The following ADGRF1 variants were observed in gnomAD, a reference collection of about 807,000 sequenced individuals.
The protein encoded by ADGRF1 is adhesion G protein-coupled receptor F1.
ADGRF1 carries 85 observed loss-of-function variants against 87.2 expected under a neutral mutation model. That is an observed-to-expected ratio of 0.97 (90% CI 0.82 to 1.17). The LOEUF (loss-of-function observed/expected upper bound fraction) is 1.17, where lower values mean the gene tolerates loss of function less well. Among genes scored for constraint, ADGRF1 ranks in the 50% most tolerant of loss-of-function variants. The pLI, the probability that ADGRF1 is intolerant of heterozygous loss-of-function variation, is 0.00. For synonymous variants in ADGRF1, 430 were observed against 408.8 expected, an observed-to-expected ratio of 1.05 and a Z score of -0.63; for missense variants, 1,169 against 1,077.2, an observed-to-expected ratio of 1.09 and a Z score of -1.19.
intron 9 of ADGRF1, chr6:47,012,396 C>T: frequency 6.5e-6 from 6 of 924,078 alleles, no homozygotes; most frequent in Non-Finnish European, 8.5e-6. Context: ...ACCAGGGATT[C>T]ATTGAATTCT....
At chr6:47,039,749 G>A (rs928503640) in intron 1 of ADGRF1, among the ~76,000 whole-genome samples, 1 of 151,764 alleles carries the variant, frequency 6.6e-6, no homozygotes, top group Non-Finnish European at 1.5e-5. Context: ...ATTACTTGAG[G>A]TCAGGAGTTT....
At chr6:47,010,653 T>C (rs1347186999) in intron 10 of ADGRF1, among the ~76,000 whole-genome samples, 1 of 152,190 alleles carries the variant, frequency 6.6e-6, no homozygotes, top group East Asian at 1.9e-4. Context: ...ATGTTAAAAA[T>C]GACTACACTG....
rs1243998895 is a variant in ADGRF1 at position 46,999,837 on chromosome 6, G to A, written c.*385C>T. Reference sequence around the variant, plus strand: ...ACTTTTTGACAAGAAAATGAACGTGGCCTATTAATTTATCTAAAGCTATTT... The same window carrying A: ...ACTTTTTGACAAGAAAATGAACGTGACCTATTAATTTATCTAAAGCTATTT... On this transcript the variant is annotated 3_prime_UTR_variant, in exon 15 of 15. Transcript: ENST00000371253. 1 of 154,342 alleles carries A rather than the reference G, an allele frequency of 6.5e-6. No homozygotes were observed. The highest frequency in any genetic ancestry group is 1.4e-5 in the Non-Finnish European group (1 of 69,548). The allele number at this position is 154,342 out of a possible 1,614,324, so 9.6% of individuals were successfully genotyped here.
intron 11 of ADGRF1, among the ~76,000 whole-genome samples, chr6:47,008,035 C>G (rs765616993): frequency 1.3e-5 from 2 of 152,198 alleles, no homozygotes; most frequent in East Asian, 3.9e-4. Flanking sequence ...CTCATTTAAC[C>G]CTCACATTTA....
Position 47,025,826 on chromosome 6 carries a change from T to C in ADGRF1, c.277+28A>G, listed in dbSNP as rs111466522. The stretch of plus-strand genomic sequence containing the variant: ...CTGATATACCCGCCTTCCCCATTTA[T>C]ACATCCAGTCACCGAGAGCCACCTT... On this transcript the variant is annotated intron_variant, in intron 4 of 14. Coordinates refer to ENST00000371253, the MANE Select transcript of ADGRF1 (RefSeq NM_153840.4). The C allele has an allele frequency of 1.8e-3, 2,783 of 1,560,284 alleles. 47 individuals are homozygous for C. The South Asian group carries it at 0.022, about 12-fold the overall frequency.
chr6:47,040,725 A>G lies in ADGRF1; in HGVS notation c.-44+1466T>C, dbSNP rs1376736325. ...TCTTGCTCCTGCCAGTTTTTACTTT[A>G]CTTACTCTCAGCCAAAGCACTAAAA... is the stretch of plus-strand genomic sequence containing the variant. On this transcript the variant is annotated intron_variant, in intron 1 of 14. Transcript: ENST00000371253. 2.0e-5 allele frequency among the ~76,000 whole-genome samples: 3 copies of G among 152,288 alleles called. No individual in the cohort carries two copies. The East Asian group carries it at 5.8e-4, about 29-fold the overall frequency.
rs55932952 is a variant in ADGRF1 at position 47,030,326 on chromosome 6, C to T, written c.-43-1222G>A. The stretch of plus-strand genomic sequence containing the variant: ...CTTTTCCTTTCGGATGAATGGTCCT[C>T]TTATGCCCCACCTTCCTGTTTGCCA... On this transcript the variant is annotated intron_variant, in intron 1 of 14. Transcript: ENST00000371253. Among the ~76,000 whole-genome samples, 142 of 152,258 alleles carry T rather than the reference C, an allele frequency of 9.3e-4. 1 individual carries two copies. The Middle Eastern group carries it at 0.01, about 11-fold the overall frequency.
Position 47,009,007 on chromosome 6 carries a change from T to G in ADGRF1, c.2428A>C (p.Thr810Pro). The G allele has an allele frequency of 6.2e-7, 1 of 1,613,920 alleles. No individual in the cohort carries two copies. Among genetic ancestry groups the G allele is most frequent in the Non-Finnish European group, 8.5e-7 (1 of 1,179,902 alleles). ...GCCAGATTCTGGCTGTCCACTATTGTTCCTATTCCAAAGCCCCAGGTGAGC... is the reference window on the plus strand; with the variant it reads ...GCCAGATTCTGGCTGTCCACTATTGGTCCTATTCCAAAGCCCCAGGTGAGC... Reference protein sequence around the residue: ...LGLTWGFGIGTIVDSQNLAWH... With the variant: ...LGLTWGFGIGPIVDSQNLAWH... Residue 810 changes from threonine (T) to proline (P), a missense_variant, in exon 11 of 15, where the codon ACA becomes CCA. Transcript: ENST00000371253.
chr6:47,020,552 G>A lies in ADGRF1; in HGVS notation c.611+179C>T, dbSNP rs1470755543. ...CTAAACTCATTTAAGTGAGAATCTA[G>A]GCTTTACTCTTCAGACTTTTTAAAG... On this transcript the variant is annotated intron_variant, in intron 7 of 14. Coordinates refer to ENST00000371253, the MANE Select transcript of ADGRF1 (RefSeq NM_153840.4). 2.7e-6 allele frequency: 4 copies of A among 1,507,440 alleles called. No individual in the cohort carries two copies. The East Asian group carries it at 9.8e-5, about 37-fold the overall frequency. The allele number at this position is 1,507,440 out of a possible 1,614,324, so 93.4% of individuals were successfully genotyped here.
intron 10 of ADGRF1, 46 bp from the exon 11 acceptor site, chr6:47,010,364 A>G (rs1415819220): frequency 1.3e-6 from 2 of 1,487,274 alleles, no homozygotes; most frequent in Non-Finnish European, 1.8e-6. Flanking sequence ...GAGTAAACAG[A>G]TAAGAGGACC....
intron 8 of ADGRF1, among the ~76,000 whole-genome samples, chr6:47,016,206 A>C (rs1297033566): frequency 1.3e-5 from 2 of 151,404 alleles, no homozygotes; most frequent in Admixed American, 1.3e-4. Context: ...TATCTGAAGA[A>C]AAACAGTTTG....
chr6:47,025,630 G>A (rs752969327), intron 4 of ADGRF1, among the ~76,000 whole-genome samples: 1 of 152,116 alleles, frequency 6.6e-6, no homozygotes, highest in Non-Finnish European at 1.5e-5. Flanking sequence ...CTCAGCATGG[G>A]TACATATGAG....
At chr6:47,032,870 A>T (rs967284376) in intron 1 of ADGRF1, among the ~76,000 whole-genome samples, 1 of 152,222 alleles carries the variant, frequency 6.6e-6, no homozygotes, top group African/African-American at 2.4e-5. Context: ...GCTTTGAAGC[A>T]ATAAAGTACA....
chr6:47,029,358 GT>G lies in ADGRF1; in HGVS notation c.-43-255del, dbSNP rs552235976. 4.5e-3 allele frequency among the ~76,000 whole-genome samples: 663 copies of G among 145,870 alleles called. 8 individuals are homozygous for G. Among genetic ancestry groups the G allele is most frequent in the South Asian group, 0.026 (118 of 4,574 alleles). ...AGTGATGGTATCTGACTAAACACAG[GT>G]TTTTTTTTTTTAATCGTGACTTGCT... On this transcript the variant is annotated intron_variant, in intron 1 of 14. Coordinates refer to ENST00000371253, the MANE Select transcript of ADGRF1 (RefSeq NM_153840.4).
chr6:47,010,091 C>G lies in ADGRF1; in HGVS notation c.1344G>C (p.Gln448His), dbSNP rs149884602. Residue 448 changes from glutamine (Q) to histidine (H), a missense_variant, in exon 11 of 15, where the codon CAG (glutamine) becomes CAC (histidine). Transcript: ENST00000371253. Reference sequence around the variant, plus strand: ...ATGTATTTTGGGGACACATTTTAATCTGATAGCTGTAACCCCTTTTGAGTT... The same window carrying G: ...ATGTATTTTGGGGACACATTTTAATGTGATAGCTGTAACCCCTTTTGAGTT... The part of the protein sequence containing the change: ...KSQLKRGYSY[Q>H]IKMCPQNTSI... 5.3e-4 allele frequency: 861 copies of G among 1,614,158 alleles called. 3 individuals carry two copies. The African/African-American group carries it at 0.01, about 19-fold the overall frequency.
intron 1 of ADGRF1, among the ~76,000 whole-genome samples, chr6:47,038,424 ATTCT>A (rs1238158665): frequency 1.3e-5 from 2 of 152,228 alleles, no homozygotes; most frequent in African/African-American, 2.4e-5. Flanking sequence ...CACCTTGATA[ATTCT>A]TTATCAATTC....
intron 12 of ADGRF1, among the ~76,000 whole-genome samples, chr6:47,006,830 C>T (rs1582140027): frequency 1.3e-5 from 2 of 152,202 alleles, no homozygotes; most frequent in South Asian, 2.1e-4. Context: ...CTGTGAGAGG[C>T]TATTAACACT....
intron 7 of ADGRF1, chr6:47,020,515 A>AT (rs1360416852): frequency 6.6e-7 from 1 of 1,518,398 alleles, no homozygotes; most frequent in African/African-American, 1.4e-5. Flanking sequence ...AAAAAAAAAA[A>AT]AATTTAAGGT....
Position 47,009,264 on chromosome 6 carries a change from C to T in ADGRF1, c.2171G>A (p.Ser724Asn). The T allele has an allele frequency of 6.2e-7, 1 of 1,614,090 alleles. No homozygotes were observed. Among genetic ancestry groups the T allele is most frequent in the Non-Finnish European group, 8.5e-7 (1 of 1,180,008 alleles). The change falls in exon 11 of 15, where the codon AGC becomes AAC. Residue 724 changes from serine (S) to asparagine (N), a missense_variant. Coordinates refer to ENST00000371253, the MANE Select transcript of ADGRF1 (RefSeq NM_153840.4). ...CACATCTTTCCTTTTGTAGGTATTG[C>T]TAGGTTGCGTGACAGCAATGGTAAT... is the stretch of plus-strand genomic sequence containing the variant. ...SVITIAVTQPSNTYKRKDVCW... is the reference protein window; with the variant it reads ...SVITIAVTQPNNTYKRKDVCW...
Sources: gnomAD v4.1 joint callset for allele counts (sites outside exome capture counted in the v4.1 genomes callset) on GRCh38, gnomAD v4.1.1 for gene constraint, MANE v1.5 for transcripts, NCBI Gene and HGNC (gene_info 2026-07-23, HGNC 2026-07-21) for gene names.